The following SUPT3H variants were observed in gnomAD, a reference collection of about 807,000 sequenced individuals.
SUPT3H encodes the protein SPT3 homolog, SAGA and STAGA complex component.
In SUPT3H, 44 loss-of-function variants were observed where a neutral mutation model predicts 44.3. The ratio of observed to expected loss-of-function variants is 0.99; its 90% CI spans 0.78 to 1.28. The LOEUF (loss-of-function observed/expected upper bound fraction) is 1.28. Ranked by LOEUF, SUPT3H falls within the 50% of genes most tolerant of loss-of-function variation. The pLI is 0.00. For missense variants in SUPT3H, 380 were observed against 387.1 expected, an observed-to-expected ratio of 0.98 and a Z score of 0.15; for synonymous variants, 124 against 125.6, an observed-to-expected ratio of 0.99 and a Z score of 0.09.
chr6:44,833,069 T>A (rs577153172), intron 10 of SUPT3H, among the ~76,000 whole-genome samples: 1 of 152,174 alleles, frequency 6.6e-6, no homozygotes, highest in Admixed American at 6.5e-5. Flanking sequence ...CGTATTATGT[T>A]TGCCATTAGC....
intron 10 of SUPT3H, among the ~76,000 whole-genome samples, chr6:44,904,567 T>C (rs772039547): frequency 7.2e-5 from 11 of 152,108 alleles, no homozygotes; most frequent in Admixed American, 2.6e-4. Flanking sequence ...ATAGGAAGAA[T>C]CAATATCATG....
chr6:45,050,278 A>AGAGTGTGTGTGTGT (rs1554221019), intron 3 of SUPT3H, among the ~76,000 whole-genome samples: 2 of 147,318 alleles, frequency 1.4e-5, no homozygotes, highest in African/African-American at 2.5e-5. Context: ...CTTTTTCTGC[A>AGAGTGTGTGTGTGT]GTGTGTGTGT....
At chr6:44,937,969 G>A (rs1441280736) in intron 9 of SUPT3H, among the ~76,000 whole-genome samples, 1 of 136,464 alleles carries the variant, frequency 7.3e-6, no homozygotes, top group African/African-American at 2.8e-5. Context: ...GAGTGCAGTG[G>A]TGTAATCTCA....
chr6:45,037,914 T>C (rs1162858593), intron 3 of SUPT3H, among the ~76,000 whole-genome samples: 2 of 152,096 alleles, frequency 1.3e-5, no homozygotes, highest in Non-Finnish European at 2.9e-5. Flanking sequence ...TTAACTTTTC[T>C]TACTTTTACA....
At chr6:45,057,253 T>C (rs1791272954) in intron 3 of SUPT3H, among the ~76,000 whole-genome samples, 1 of 152,116 alleles carries the variant, frequency 6.6e-6, no homozygotes, top group African/African-American at 2.4e-5. Flanking sequence ...CAATTCTTCC[T>C]AGAGAGAAAT....
rs1310684272 is a variant in SUPT3H, at chr6:45,065,500, C to A, written c.186+40422G>T. Among the ~76,000 whole-genome samples, 490 of 151,156 alleles carry A rather than the reference C, an allele frequency of 3.2e-3. 13 individuals carry two copies. The highest frequency in any genetic ancestry group is 0.028 in the Admixed American group (432 of 15,164). ...GGAAATAGAGACACAAAAAACCCTTCAAAAATCAATGAATCCAGGAGCTGG... is the reference window on the plus strand; with the variant it reads ...GGAAATAGAGACACAAAAAACCCTTAAAAAATCAATGAATCCAGGAGCTGG... On this transcript the variant is annotated intron_variant, in intron 3 of 10. Coordinates refer to ENST00000371459, the MANE Select transcript of SUPT3H (RefSeq NM_003599.4).
intron 3 of SUPT3H, among the ~76,000 whole-genome samples, chr6:45,084,752 A>G (rs984811889): frequency 6.6e-6 from 1 of 152,210 alleles, no homozygotes; most frequent in Non-Finnish European, 1.5e-5. Context: ...CAAGTGTGTT[A>G]CATACACACC....
At chr6:45,262,259 C>T (rs1015588044) in intron 2 of SUPT3H, among the ~76,000 whole-genome samples, 4 of 151,904 alleles carry the variant, frequency 2.6e-5, no homozygotes, top group African/African-American at 9.7e-5. Context: ...AGAGCCTAGA[C>T]AGCCAAAGCA....
chr6:45,046,322 G>GT (rs56990358), intron 3 of SUPT3H, among the ~76,000 whole-genome samples: 3,787 of 150,984 alleles, frequency 0.025, 161 homozygotes, highest in African/African-American at 0.085. Flanking sequence ...CACACTGCTT[G>GT]TTTTTTTTTG....
chr6:45,282,105 G>A (rs1457587959), intron 2 of SUPT3H, among the ~76,000 whole-genome samples: 2 of 152,132 alleles, frequency 1.3e-5, no homozygotes, highest in South Asian at 4.1e-4. Flanking sequence ...TATCATCAAA[G>A]ACCAAAGGTA....
intron 2 of SUPT3H, among the ~76,000 whole-genome samples, chr6:45,124,477 T>C (rs968788819): frequency 4.7e-5 from 7 of 149,858 alleles, no homozygotes; most frequent in African/African-American, 1.5e-4. Context: ...AACCCCCCCC[T>C]CTACTAAAAA....
At position 45,205,461 on chromosome 6, in the gene SUPT3H, G is replaced by A. The variant is rs540565159; in HGVS notation, c.102-99455C>T. 2.0e-5 allele frequency among the ~76,000 whole-genome samples: 3 copies of A among 152,156 alleles called. No individual in the cohort carries two copies. In the East Asian group the frequency reaches 5.8e-4, roughly 29 times the overall value. On this transcript the variant is annotated intron_variant, in intron 2 of 10. Coordinates refer to ENST00000371459, the MANE Select transcript of SUPT3H (RefSeq NM_003599.4). ...GAAATTCTGATAAACTTTATATAAT[G>A]TATAGCTTACAAAATGCAATTCATA...
Position 45,129,519 on chromosome 6 carries a change from C to T in SUPT3H, c.102-23513G>A, listed in dbSNP as rs538962776. Among the ~76,000 whole-genome samples the T allele has an allele frequency of 8.2e-4, 125 of 152,162 alleles. No homozygotes were observed. The South Asian group carries it at 0.013, about 15-fold the overall frequency. ...GTTTATGATAAGGAGAATTAGACTGCTAAAGATCATTTATTGAAAGTTCAC... is the reference window on the plus strand; with the variant it reads ...GTTTATGATAAGGAGAATTAGACTGTTAAAGATCATTTATTGAAAGTTCAC... On this transcript the variant is annotated intron_variant, in intron 2 of 10. Transcript: ENST00000371459.
At chr6:45,154,087 A>AAAAAAAAAACAC (rs70996303) in intron 2 of SUPT3H, among the ~76,000 whole-genome samples, 1 of 114,596 alleles carries the variant, frequency 8.7e-6, no homozygotes, top group Non-Finnish European at 1.8e-5. Context: ...AAAAAAAAAA[A>AAAAAAAAAACAC]AGCGCTTAGT....
intron 2 of SUPT3H, among the ~76,000 whole-genome samples, chr6:45,294,253 G>C (rs913668178): frequency 1.3e-5 from 2 of 152,042 alleles, no homozygotes; most frequent in African/African-American, 4.8e-5. Context: ...AATAGAAGCA[G>C]AAAAAGCATT....
intron 6 of SUPT3H, among the ~76,000 whole-genome samples, chr6:44,996,885 C>A (rs1781347162): frequency 6.6e-6 from 1 of 151,670 alleles, no homozygotes; most frequent in Admixed American, 6.6e-5. Context: ...TTCAGTAGTT[C>A]TATAATTGTC....
chr6:45,243,813 G>A (rs1770836650), intron 2 of SUPT3H, among the ~76,000 whole-genome samples: 1 of 152,108 alleles, frequency 6.6e-6, no homozygotes. Flanking sequence ...CACTAATACT[G>A]TTGCCTGTAT....
chr6:44,897,557 G>A (rs766754421), intron 10 of SUPT3H, among the ~76,000 whole-genome samples: 99 of 152,294 alleles, frequency 6.5e-4, no homozygotes, highest in East Asian at 1.2e-3. Context: ...ATAATGTGAT[G>A]TACTGGAACA....
At chr6:45,354,814 G>C (rs577778970) in intron 2 of SUPT3H, among the ~76,000 whole-genome samples, 2 of 152,150 alleles carry the variant, frequency 1.3e-5, no homozygotes, top group African/African-American at 4.8e-5. Flanking sequence ...AGCTTATAAA[G>C]ATAATGCTGT....
Sources: allele counts gnomAD v4.1 joint callset (sites outside exome capture counted in the v4.1 genomes callset), GRCh38; gene constraint gnomAD v4.1.1; transcripts MANE v1.5; gene names NCBI Gene and HGNC (gene_info 2026-07-23, HGNC 2026-07-21).